Variants in AFAP1 observed in about 807,000 individuals in gnomAD.
The protein encoded by AFAP1 is actin filament-associated protein 1.
In AFAP1, 75 loss-of-function variants were observed where a neutral mutation model predicts 93.9. That is an observed-to-expected ratio of 0.80 (90% confidence interval 0.66 to 0.97). The LOEUF (loss-of-function observed/expected upper bound fraction) is 0.97. Among genes scored for constraint, AFAP1 ranks in the 50% least tolerant of loss-of-function variants. The pLI is 0.00. For synonymous variants in AFAP1, 517 were observed against 430.7 expected, an observed-to-expected ratio of 1.20 and a Z score of -2.48; for missense variants, 1,201 against 1,050.8, an observed-to-expected ratio of 1.14 and a Z score of -1.98.
chr4:7,809,532 G>A, intron 9 of AFAP1, 82 bp downstream of exon 9: 2 of 1,477,018 alleles, frequency 1.4e-6, no homozygotes, highest in Non-Finnish European at 1.8e-6. Context: ...AGCCTTGGAT[G>A]AACTGGGTAC....
At position 7,759,680 on chromosome 4, in the gene AFAP1, G is replaced by GAAAC. The variant is rs1254193555; in HGVS notation, c.*4081_*4084dup. 6.6e-6 allele frequency: 1 copy of GAAAC among 152,620 alleles called. No homozygotes were observed. Among genetic ancestry groups the GAAAC allele is most frequent in the African/African-American group, 2.4e-5 (1 of 41,476 alleles). 9.5% of individuals were successfully genotyped at this position (152,620 alleles called of 1,614,324 possible). A position where few individuals can be genotyped will look rare whatever the true frequency, so the allele number is the denominator to read the frequency against. On this transcript the variant is annotated 3_prime_UTR_variant, in exon 18 of 18. Transcript: ENST00000420658. Reference sequence around the variant, plus strand: ...GAAGGCAATAGTTTAGTTTAACATTGAAACATTGCCACGACCTTTATGTAA... The same window carrying GAAAC: ...GAAGGCAATAGTTTAGTTTAACATTGAAACAAACATTGCCACGACCTTTATGTAA...
chr4:7,791,853 AAAAAC>A (rs1717890063), intron 11 of AFAP1, among the ~76,000 whole-genome samples: 1 of 131,662 alleles, frequency 7.6e-6, no homozygotes, highest in Non-Finnish European at 1.6e-5. Context: ...AAAAAAAAAC[AAAAAC>A]AAAAAACAAC....
At chr4:7,920,872 T>C (rs2149236519) in intron 1 of AFAP1, among the ~76,000 whole-genome samples, 1 of 152,216 alleles carries the variant, frequency 6.6e-6, no homozygotes, top group South Asian at 2.1e-4. Flanking sequence ...ACCTGAAAAA[T>C]ATCTTCTACA....
At chr4:7,866,824 G>C (rs1017498758) in intron 3 of AFAP1, among the ~76,000 whole-genome samples, 4 of 151,378 alleles carry the variant, frequency 2.6e-5, no homozygotes, top group African/African-American at 4.9e-5. Flanking sequence ...ATCACTGAAG[G>C]CCTGGAGTGC....
intron 1 of AFAP1, among the ~76,000 whole-genome samples, chr4:7,898,148 G>A (rs748995969): frequency 1.1e-4 from 16 of 152,004 alleles, no homozygotes; most frequent in Non-Finnish European, 1.8e-4. Flanking sequence ...AGTGGCTCAC[G>A]CCTGTAATCC....
chr4:7,860,304 T>C (rs532189436), intron 3 of AFAP1, among the ~76,000 whole-genome samples: 2 of 152,176 alleles, frequency 1.3e-5, no homozygotes, highest in East Asian at 1.9e-4. Flanking sequence ...GGGGGTGGAT[T>C]TGGAATATGT....
chr4:7,797,820 A>G (rs1718580212), intron 10 of AFAP1, among the ~76,000 whole-genome samples: 1 of 152,198 alleles, frequency 6.6e-6, no homozygotes, highest in South Asian at 2.1e-4. Context: ...TAGGGATAAA[A>G]GCACAACATA....
At chr4:7,889,735 A>G (rs1245179975) in intron 1 of AFAP1, among the ~76,000 whole-genome samples, 1 of 150,674 alleles carries the variant, frequency 6.6e-6, no homozygotes, top group Non-Finnish European at 1.5e-5. Flanking sequence ...ATGAAAGAAA[A>G]GGAAAAAAGC....
At chr4:7,763,838 G>A (rs1253864430) in intron 17 of AFAP1, 47 bp from the exon 18 acceptor site, 3 of 1,546,112 alleles carry the variant, frequency 1.9e-6, no homozygotes, top group Non-Finnish European at 2.6e-6. Flanking sequence ...AGAGGATCAG[G>A]CTGGGACAAG....
intron 9 of AFAP1, 114 bp downstream of exon 9, chr4:7,809,500 T>C (rs1331193647): frequency 1.0e-5 from 13 of 1,282,918 alleles, no homozygotes; most frequent in Non-Finnish European, 1.4e-5. Flanking sequence ...CCAAGTCCAA[T>C]GCAAAAGAGC....
At chr4:7,794,402 G>A (rs549769487) in intron 10 of AFAP1, among the ~76,000 whole-genome samples, 2 of 152,256 alleles carry the variant, frequency 1.3e-5, no homozygotes, top group South Asian at 4.2e-4. Context: ...TAATCACTGG[G>A]CTGCTTTAGG....
intron 6 of AFAP1, among the ~76,000 whole-genome samples, chr4:7,833,778 CAG>C (rs1560187606): frequency 6.6e-6 from 1 of 151,898 alleles, no homozygotes; most frequent in African/African-American, 2.4e-5. Flanking sequence ...TTAGTAGACA[CAG>C]GGTTTCACCG....
chr4:7,810,064 T>C (rs902997438), intron 8 of AFAP1, among the ~76,000 whole-genome samples: 3 of 152,216 alleles, frequency 2.0e-5, no homozygotes, highest in African/African-American at 7.2e-5. Context: ...GGTTTCCCCA[T>C]GTTGCCCAGG....
At chr4:7,840,265 T>TGTGTGTGTGC (rs1553844326) in intron 5 of AFAP1, among the ~76,000 whole-genome samples, 3 of 69,946 alleles carry the variant, frequency 4.3e-5, no homozygotes, top group South Asian at 5.2e-4. Context: ...TTTTGGGATG[T>TGTGTGTGTGC]GTGTGTGTGT....
chr4:7,782,689 A>G (rs953903934), intron 12 of AFAP1, among the ~76,000 whole-genome samples: 1 of 152,206 alleles, frequency 6.6e-6, no homozygotes, highest in Non-Finnish European at 1.5e-5. Flanking sequence ...TTCCTCTCTT[A>G]TATTCCTTTT....
intron 6 of AFAP1, among the ~76,000 whole-genome samples, chr4:7,836,876 G>T (rs1404150999): frequency 2.7e-5 from 4 of 150,598 alleles, no homozygotes; most frequent in Non-Finnish European, 1.5e-5. Flanking sequence ...TGAATTTATG[G>T]TATGTGAATT....
intron 3 of AFAP1, among the ~76,000 whole-genome samples, chr4:7,857,237 T>TGGA (rs1346314308): frequency 6.6e-6 from 1 of 152,134 alleles, no homozygotes; most frequent in Admixed American, 6.5e-5. Flanking sequence ...ATGGGGCTGT[T>TGGA]GCGTTTTTTT....
intron 12 of AFAP1, among the ~76,000 whole-genome samples, chr4:7,783,929 G>C (rs934182467): frequency 6.6e-6 from 1 of 152,212 alleles, no homozygotes; most frequent in Admixed American, 6.5e-5. Flanking sequence ...ATGCAGATGA[G>C]TGTGGTAACT....
chr4:7,906,596 C>G (rs926055422), intron 1 of AFAP1, among the ~76,000 whole-genome samples: 5 of 152,202 alleles, frequency 3.3e-5, no homozygotes, highest in African/African-American at 1.2e-4. Context: ...TTCTCCAAGA[C>G]AGCCAACTGA....
Sources: gnomAD v4.1 joint callset for allele counts (sites outside exome capture counted in the v4.1 genomes callset) on GRCh38, gnomAD v4.1.1 for gene constraint, MANE v1.5 for transcripts, NCBI Gene and HGNC (gene_info 2026-07-23, HGNC 2026-07-21) for gene names.